Variants in MAP6 observed in about 807,000 individuals in gnomAD.
MAP6 encodes the protein microtubule-associated protein 6.
A neutral mutation model predicts 42.4 loss-of-function variants in MAP6; 26 were observed. That is an observed-to-expected ratio of 0.61 (90% confidence interval 0.45 to 0.85). The LOEUF is 0.85. Ranked by LOEUF, MAP6 falls within the 40% of genes least tolerant of loss-of-function variation. MAP6 has a pLI of 0.00. For missense variants in MAP6, 966 were observed against 1,099.0 expected, an observed-to-expected ratio of 0.88 and a Z score of 1.71; for synonymous variants, 418 against 443.8, an observed-to-expected ratio of 0.94 and a Z score of 0.73.
At chr11:75,644,520 T>C (rs1342570055) in intron 1 of MAP6, among the ~76,000 whole-genome samples, 2 of 152,240 alleles carry the variant, frequency 1.3e-5, no homozygotes, top group Non-Finnish European at 1.5e-5. Context: ...AATGCCATTA[T>C]TATCTTTATT....
At chr11:75,624,986 G>C (rs564730358) in intron 1 of MAP6, among the ~76,000 whole-genome samples, 17 of 152,316 alleles carry the variant, frequency 1.1e-4, no homozygotes, top group African/African-American at 3.6e-4. Context: ...TCAGCTGAGT[G>C]GGGCAGTAAG....
intron 1 of MAP6, among the ~76,000 whole-genome samples, chr11:75,653,088 C>T (rs1299105782): frequency 6.6e-6 from 1 of 152,078 alleles, no homozygotes; most frequent in African/African-American, 2.4e-5. Context: ...ATATTTAATC[C>T]GGTGGCTCAC....
At chr11:75,604,942 C>T in intron 3 of MAP6, 1 of 985,442 alleles carries the variant, frequency 1.0e-6, no homozygotes. Flanking sequence ...AAGTCAAATT[C>T]CAAACACACT....
At position 75,586,922 on chromosome 11, in the gene MAP6, C is replaced by G. The variant is rs913450749; in HGVS notation, c.*137G>C. ...AGAGACAGAGAGAAACATTGCTGAG[C>G]CAGAGGGACCATTTTTATTAGATTC... On this transcript the variant is annotated 3_prime_UTR_variant, in exon 4 of 4. Transcript: ENST00000304771. 1.0e-4 allele frequency: 98 copies of G among 969,976 alleles called. No homozygotes were observed. Among genetic ancestry groups the G allele is most frequent in the Admixed American group, 1.2e-4 (4 of 34,562 alleles). The allele number at this position is 969,976 out of a possible 1,614,324, so 60.1% of individuals were successfully genotyped here. A position where few individuals can be genotyped will look rare whatever the true frequency, so the allele number is the denominator to read the frequency against.
chr11:75,589,408 A>G (rs551864671), intron 3 of MAP6, among the ~76,000 whole-genome samples: 2 of 152,344 alleles, frequency 1.3e-5, no homozygotes, highest in South Asian at 4.1e-4. Context: ...AGAGAGTGGC[A>G]TTGCTCAGCA....
In MAP6 at chr11:75,667,611, G is replaced by A. The variant is rs1224316260; in HGVS notation, c.759C>T (p.Gly253=). 7 of 1,304,750 alleles carry A rather than the reference G, an allele frequency of 5.4e-6. No homozygotes were observed. The South Asian group carries it at 1.2e-4, about 22-fold the overall frequency. The allele number at this position is 1,304,750 out of a possible 1,614,324, so 80.8% of individuals were successfully genotyped here. A position where few individuals can be genotyped will look rare whatever the true frequency, so the allele number is the denominator to read the frequency against. The change falls in exon 1 of 4, where the codon GGC becomes GGT. Residue 253 remains glycine (G), a synonymous_variant. Coordinates refer to ENST00000304771, the MANE Select transcript of MAP6 (RefSeq NM_033063.2). This position sits in a 1 kb window ranked among gnomAD's most constrained non-coding sequence, Gnocchi z 5.6. ...GPAWIVRRAE[G]LGHEQTPLPA... ...GCAGCGGCGTCTGCTCGTGCCCCAG[G>A]CCCTCGGCGCGGCGCACAATCCAGG...
chr11:75,648,670 TACTATAA>T (rs1243819676), intron 1 of MAP6, among the ~76,000 whole-genome samples: 1 of 152,108 alleles, frequency 6.6e-6, no homozygotes, highest in Non-Finnish European at 1.5e-5. Flanking sequence ...TGACGAAAGA[TACTATAA>T]ACAAAGGTAA....
intron 1 of MAP6, among the ~76,000 whole-genome samples, chr11:75,613,165 CT>C (rs1254969455): frequency 2.6e-5 from 4 of 152,146 alleles, no homozygotes; most frequent in Admixed American, 1.3e-4. Flanking sequence ...GATTTAAAGG[CT>C]TGACATTCAG....
intron 3 of MAP6, among the ~76,000 whole-genome samples, chr11:75,592,738 C>T (rs183478727): frequency 3.3e-5 from 5 of 152,328 alleles, no homozygotes; most frequent in African/African-American, 1.2e-4. Flanking sequence ...CTTCTTTGCT[C>T]ACAACCTTTC....
chr11:75,665,210 AATGTGAAGCATGGC>A (rs1943927218), intron 1 of MAP6, among the ~76,000 whole-genome samples: 1 of 152,324 alleles, frequency 6.6e-6, no homozygotes, highest in African/African-American at 2.4e-5. Flanking sequence ...GTATGTGTGT[AATGTGAAGCATGGC>A]ATGTGAAGCA....
intron 1 of MAP6, among the ~76,000 whole-genome samples, chr11:75,639,505 T>C (rs777646223): frequency 6.6e-6 from 1 of 152,246 alleles, no homozygotes; most frequent in Non-Finnish European, 1.5e-5. Flanking sequence ...ATATCCATTG[T>C]GGGCCAACTT....
At chr11:75,665,286 G>C (rs7951070) in intron 1 of MAP6, among the ~76,000 whole-genome samples, 1,941 of 152,296 alleles carry the variant, frequency 0.013, 35 homozygotes, top group African/African-American at 0.045. Flanking sequence ...AAGGCTATAT[G>C]GAACAAGGTA....
chr11:75,637,392 ATAAATAAACATT>A (rs1943386762), intron 1 of MAP6, among the ~76,000 whole-genome samples: 2 of 152,238 alleles, frequency 1.3e-5, no homozygotes, highest in Non-Finnish European at 2.9e-5. Flanking sequence ...GTATTGACTC[ATAAATAAACATT>A]TAAAAGGGCA....
intron 3 of MAP6, chr11:75,605,596 G>A: frequency 7.4e-7 from 1 of 1,354,330 alleles, no homozygotes; most frequent in Non-Finnish European, 9.5e-7. Context: ...TCCAGGGGCT[G>A]CCCTCAGGAG....
chr11:75,605,992 T>C lies in MAP6; in HGVS notation c.1132A>G (p.Ser378Gly), dbSNP rs763673816. The change falls in exon 3 of 4, where the codon AGT (serine) becomes GGT (glycine). Residue 378 changes from serine to glycine, a missense_variant. Physicochemically the swap from Ser to Gly is moderately conservative, Grantham distance 56. This residue lies in a region of MAP6 where 943 missense variants were observed against 1,049.9 expected (regional missense o/e 0.90). Transcript: ENST00000304771. ...TTTTTTGGTTTGGAACTCTGAACAC[T>C]AGGTTTTTCCACCTGTACGGAGAGA... ...FKEPPKVEKP[S>G]VQSSKPKKTS... The C allele has an allele frequency of 1.9e-6, 3 of 1,613,754 alleles. No individual in the cohort carries two copies. Among genetic ancestry groups the C allele is most frequent in the Admixed American group, 3.3e-5 (2 of 60,008 alleles).
At position 75,668,143 on chromosome 11, in the gene MAP6, A is replaced by G. The variant is rs1414607558; in HGVS notation, c.227T>C (p.Leu76Ser). 1.6e-6 allele frequency: 2 copies of G among 1,216,486 alleles called. No homozygotes were observed. The highest frequency in any genetic ancestry group is 8.9e-5 in the Admixed American group (2 of 22,504). 75.4% of individuals were successfully genotyped at this position (1,216,486 alleles called of 1,614,324 possible). The change falls in exon 1 of 4, where the codon TTG (leucine) becomes TCG (serine). Residue 76 changes from leucine (L) to serine (S), a missense_variant. By Grantham distance (145) the Leu-to-Ser change is moderately radical. Around this residue, in one of 2 missense-constraint regions of MAP6, gnomAD observed 943 missense variants for 1,049.9 expected, o/e 0.90. Transcript: ENST00000304771. Reference protein sequence around the residue: ...AIETQPAQGELDAVARATGPA... With the variant: ...AIETQPAQGESDAVARATGPA... Reference sequence around the variant, plus strand: ...CCCCGTTGCCCGGGCAACTGCATCCAACTCGCCCTGGGCTGGCTGCGTCTC... The same window carrying G: ...CCCCGTTGCCCGGGCAACTGCATCCGACTCGCCCTGGGCTGGCTGCGTCTC...
At chr11:75,600,715 G>A (rs957812081) in intron 3 of MAP6, among the ~76,000 whole-genome samples, 2 of 152,178 alleles carry the variant, frequency 1.3e-5, no homozygotes, top group Non-Finnish European at 2.9e-5. Context: ...AATGTGAACT[G>A]CTTTGAGACA....
Position 75,608,288 on chromosome 11 carries a change from C to G in MAP6, c.940G>C (p.Val314Leu). ...EFRAWTDIKP[V>L]KPIKAKPQYK... Reference sequence around the variant, plus strand: ...TGGGGCTTGGCCTTTATTGGTTTCACAGGCTTGATGTCCGTCCATGCCCTG... The same window carrying G: ...TGGGGCTTGGCCTTTATTGGTTTCAGAGGCTTGATGTCCGTCCATGCCCTG... The change falls in exon 2 of 4, where the codon GTG (valine) becomes CTG (leucine). Residue 314 changes from valine (V) to leucine (L), a missense_variant. By Grantham distance (32) the Val-to-Leu change is conservative. Around this residue, in one of 2 missense-constraint regions of MAP6, gnomAD observed 943 missense variants for 1,049.9 expected, o/e 0.90. Transcript: ENST00000304771. 6.2e-7 allele frequency: 1 copy of G among 1,614,218 alleles called. No individual in the cohort carries two copies. Among genetic ancestry groups the G allele is most frequent in the Non-Finnish European group, 8.5e-7 (1 of 1,180,044 alleles).
At position 75,667,605 on chromosome 11, in the gene MAP6, C is replaced by T; in HGVS notation, c.765G>A (p.Gly255=). Residue 255 remains glycine (G), a synonymous_variant, in exon 1 of 4, where the codon GGG becomes GGA. Coordinates refer to ENST00000304771, the MANE Select transcript of MAP6 (RefSeq NM_033063.2). The surrounding 1 kb of genome is among the most constrained non-coding windows in gnomAD (Gnocchi z 5.6). ...CCGCGGGCAGCGGCGTCTGCTCGTG[C>T]CCCAGGCCCTCGGCGCGGCGCACAA... The part of the protein sequence containing the change: ...AWIVRRAEGL[G]HEQTPLPAAQ... 3.0e-6 allele frequency: 4 copies of T among 1,314,098 alleles called. No individual in the cohort carries two copies. The highest frequency in any genetic ancestry group is 3.2e-5 in the East Asian group (1 of 31,394). 81.4% of individuals were successfully genotyped at this position (1,314,098 alleles called of 1,614,324 possible).
Sources: gnomAD v4.1 joint callset for allele counts (sites outside exome capture counted in the v4.1 genomes callset) on GRCh38, gnomAD v4.1.1 for gene constraint, gnomAD v4.1.1 regional missense constraint, Gnocchi (gnomAD v3.1) non-coding constraint, MANE v1.5 for transcripts, NCBI Gene and HGNC (gene_info 2026-07-23, HGNC 2026-07-21) for gene names.